LRP1B: variants seen among roughly 807,000 people sequenced by gnomAD.
LRP1B encodes low-density lipoprotein receptor-related protein 1B.
LRP1B carries 217 observed loss-of-function variants against 556.6 expected under a neutral mutation model. The ratio of observed to expected loss-of-function variants is 0.39; its 90% CI spans 0.35 to 0.44. LRP1B has a LOEUF of 0.44. LRP1B is among the 20% of genes least tolerant of loss of function. The pLI is 1.00. For missense variants in LRP1B, 5,053 were observed against 5,620.8 expected (o/e 0.90, Z 3.23); for synonymous variants, 2,047 against 1,865.8 (o/e 1.10, Z -2.50).
At chr2:140,798,077 T>G (rs553237615) in intron 32 of LRP1B, among the ~76,000 whole-genome samples, 1 of 152,250 alleles carries the variant, frequency 6.6e-6, no homozygotes, top group Admixed American at 6.5e-5. Flanking sequence ...TCCATTAGTA[T>G]CTTTCACCAT....
At chr2:140,481,021 C>T (rs1688216028) in intron 59 of LRP1B, among the ~76,000 whole-genome samples, 1 of 152,046 alleles carries the variant, frequency 6.6e-6, no homozygotes, top group Non-Finnish European at 1.5e-5. Context: ...CCTGTGTCAA[C>T]AGGCCTGGCT....
intron 1 of LRP1B, among the ~76,000 whole-genome samples, chr2:141,967,372 A>C (rs1701593841): frequency 6.6e-6 from 1 of 151,916 alleles, no homozygotes; most frequent in Non-Finnish European, 1.5e-5. Flanking sequence ...ATCTGAAAAT[A>C]AAAATATCAC....
At chr2:142,017,967 T>G (rs561752163) in intron 1 of LRP1B, among the ~76,000 whole-genome samples, 5 of 151,858 alleles carry the variant, frequency 3.3e-5, no homozygotes, top group African/African-American at 1.2e-4. Flanking sequence ...TTTTTTTTTT[T>G]TTGGTGTTTC....
At chr2:141,424,811 C>A (rs1230517041) in intron 3 of LRP1B, among the ~76,000 whole-genome samples, 1 of 152,118 alleles carries the variant, frequency 6.6e-6, no homozygotes, top group Admixed American at 6.5e-5. Flanking sequence ...TTACTCAATG[C>A]ACATTCCTAT....
At chr2:141,321,946 A>T (rs1228352714) in intron 3 of LRP1B, among the ~76,000 whole-genome samples, 2 of 152,112 alleles carry the variant, frequency 1.3e-5, no homozygotes, top group Non-Finnish European at 2.9e-5. Context: ...AATAGTATGC[A>T]CTAGAGCTTT....
chr2:142,076,936 T>C (rs1705522100), intron 1 of LRP1B, among the ~76,000 whole-genome samples: 1 of 152,076 alleles, frequency 6.6e-6, no homozygotes, highest in Non-Finnish European at 1.5e-5. Context: ...TGTCACCTTA[T>C]GAACAGAAAC....
intron 1 of LRP1B, among the ~76,000 whole-genome samples, chr2:142,059,810 C>T (rs994549565): frequency 2.0e-5 from 3 of 151,970 alleles, no homozygotes; most frequent in Admixed American, 6.6e-5. Context: ...AAGAACAAAT[C>T]CCTTACAAAC....
intron 3 of LRP1B, among the ~76,000 whole-genome samples, chr2:141,338,936 C>T (rs1281247418): frequency 6.6e-6 from 1 of 151,844 alleles, no homozygotes; most frequent in Non-Finnish European, 1.5e-5. Flanking sequence ...TTTCTCATGC[C>T]TTCTCCCTAA....
intron 31 of LRP1B, among the ~76,000 whole-genome samples, chr2:140,820,027 T>A (rs1396904158): frequency 6.6e-6 from 1 of 152,080 alleles, no homozygotes; most frequent in Non-Finnish European, 1.5e-5. Flanking sequence ...CAAGACAGAG[T>A]CTCGCTCTGT....
In LRP1B at chr2:141,634,004, C is replaced by A. The variant is rs183255088; in HGVS notation, c.206-153471G>T. On this transcript the variant is annotated intron_variant, in intron 2 of 90. Transcript: ENST00000389484. ...TAGGGCTTTGGCTAAAATCACTATACGTGAGTAATTATTTCCCACACAGCA... is the reference window on the plus strand; with the variant it reads ...TAGGGCTTTGGCTAAAATCACTATAAGTGAGTAATTATTTCCCACACAGCA... 3.3e-5 allele frequency among the ~76,000 whole-genome samples: 5 copies of A among 151,636 alleles called. No individual in the cohort carries two copies. The East Asian group carries it at 9.7e-4, about 29-fold the overall frequency.
At chr2:140,673,971 C>T (rs1319785183) in intron 41 of LRP1B, among the ~76,000 whole-genome samples, 1 of 147,432 alleles carries the variant, frequency 6.8e-6, no homozygotes, top group African/African-American at 2.5e-5. Context: ...TTTTTTGCGA[C>T]AGAGTCTTGC....
At chr2:140,354,798 C>T (rs1461522439) in intron 75 of LRP1B, among the ~76,000 whole-genome samples, 1 of 151,972 alleles carries the variant, frequency 6.6e-6, no homozygotes, top group Non-Finnish European at 1.5e-5. Context: ...CTGTTAATCC[C>T]CTTCTAATTT....
At chr2:141,382,418 C>A (rs1689676015) in intron 3 of LRP1B, among the ~76,000 whole-genome samples, 1 of 152,198 alleles carries the variant, frequency 6.6e-6, no homozygotes, top group Non-Finnish European at 1.5e-5. Flanking sequence ...TGTGCAGAGA[C>A]TTACTAGAAG....
At chr2:140,492,808 G>T in intron 56 of LRP1B, 115 bp from the exon 57 acceptor site, 1 of 709,704 alleles carries the variant, frequency 1.4e-6, no homozygotes, top group Non-Finnish European at 2.4e-6. Flanking sequence ...TGATCTGGTA[G>T]CTTCAGGGTT....
intron 83 of LRP1B, among the ~76,000 whole-genome samples, chr2:140,299,836 TAAAC>T (rs1328084123): frequency 6.6e-6 from 1 of 151,952 alleles, no homozygotes; most frequent in Admixed American, 6.6e-5. Context: ...AACAATGAAA[TAAAC>T]AGTGCGTAAA....
intron 1 of LRP1B, among the ~76,000 whole-genome samples, chr2:141,888,464 G>C (rs1351933436): frequency 6.6e-6 from 1 of 152,110 alleles, no homozygotes; most frequent in Non-Finnish European, 1.5e-5. Context: ...GGAGAGACCT[G>C]AATCAATGTC....
chr2:141,435,003 C>T (rs1043741261), intron 3 of LRP1B, among the ~76,000 whole-genome samples: 3 of 152,058 alleles, frequency 2.0e-5, no homozygotes, highest in African/African-American at 4.8e-5. Context: ...AAAGCTGTAC[C>T]ATAGATCAGG....
At chr2:141,018,019 A>G (rs1697957411) in intron 12 of LRP1B, among the ~76,000 whole-genome samples, 1 of 151,410 alleles carries the variant, frequency 6.6e-6, no homozygotes, top group Non-Finnish European at 1.5e-5. Context: ...AAAAAAAATT[A>G]TGAAAGCTTT....
chr2:140,447,532 G>T (rs1212299117), intron 63 of LRP1B, among the ~76,000 whole-genome samples: 2 of 152,092 alleles, frequency 1.3e-5, no homozygotes, highest in African/African-American at 4.8e-5. Context: ...TCTGGATTAG[G>T]CTTTGGCTTA....
Sources: gnomAD v4.1 joint callset for allele counts (sites outside exome capture counted in the v4.1 genomes callset) on GRCh38, gnomAD v4.1.1 for gene constraint, MANE v1.5 for transcripts, NCBI Gene and HGNC (gene_info 2026-07-23, HGNC 2026-07-21) for gene names.